The following OS9 variants were observed in gnomAD, a reference collection of about 807,000 sequenced individuals.
The protein encoded by OS9 is protein OS-9.
In OS9, 58 loss-of-function variants were observed where a neutral mutation model predicts 84.7. The observed-to-expected ratio is 0.68, with a 90% CI of 0.55 to 0.85. OS9 has a LOEUF of 0.85. Among genes scored for constraint, OS9 ranks in the 40% least tolerant of loss-of-function variants. OS9 has a pLI of 0.00. For synonymous variants in OS9, 278 were observed against 320.8 expected (o/e 0.87, Z 1.43); for missense variants, 760 against 850.9 (o/e 0.89, Z 1.33).
intron 5 of OS9, among the ~76,000 whole-genome samples, chr12:57,707,743 C>T: frequency 6.6e-6 from 1 of 152,074 alleles, no homozygotes; most frequent in East Asian, 1.9e-4. Context: ...CTTCTCCTTT[C>T]TTTGTGTTAT....
intron 5 of OS9, among the ~76,000 whole-genome samples, chr12:57,709,111 T>C (rs1355644483): frequency 6.6e-6 from 1 of 152,260 alleles, no homozygotes; most frequent in Non-Finnish European, 1.5e-5. Flanking sequence ...CTTTACTCTT[T>C]TCTTTCAGCT....
At chr12:57,711,867 T>G (rs950883179) in intron 5 of OS9, among the ~76,000 whole-genome samples, 1 of 152,108 alleles carries the variant, frequency 6.6e-6, no homozygotes, top group Admixed American at 6.5e-5. Context: ...GGAGAGAGGA[T>G]CACTTGAGCC....
chr12:57,719,828 T>A, intron 12 of OS9: 1 of 334,384 alleles, frequency 3.0e-6, no homozygotes. Flanking sequence ...GTGGCCTGAT[T>A]TTGGCTTTAG....
chr12:57,716,681 T>C lies in OS9; in HGVS notation c.994-12T>C, dbSNP rs903352142. The C allele has an allele frequency of 1.2e-6, 2 of 1,613,772 alleles. No individual in the cohort carries two copies. The highest frequency in any genetic ancestry group is 1.1e-5 in the South Asian group (1 of 91,074). On this transcript the variant is annotated splice_polypyrimidine_tract_variant and intron_variant, in intron 8 of 14. Coordinates refer to ENST00000315970, the MANE Select transcript of OS9 (RefSeq NM_006812.4). The stretch of plus-strand genomic sequence containing the variant: ...GCTTTCATACTTGACTCTCTCCTTT[T>C]CTCCTCGTCAGGAGCAGGACCCAAG...
chr12:57,697,883 A>G (rs1953896353), intron 5 of OS9, among the ~76,000 whole-genome samples: 1 of 144,988 alleles, frequency 6.9e-6, no homozygotes, highest in African/African-American at 2.6e-5. Context: ...ACACACACAC[A>G]CACACACGGA....
chr12:57,720,155 C>A lies in OS9; in HGVS notation c.1657C>A (p.Pro553Thr). The change falls in exon 13 of 15, where the codon CCT becomes ACT. Residue 553 changes from proline to threonine, a missense_variant. By Grantham distance (38) the Pro-to-Thr change is conservative. Transcript: ENST00000315970. ...VRVTKLRLGG[P>T]NQDLTVLEMK... ...GGTCACCAAGCTCCGTCTCGGAGGCCCTAATCAGGATCTGACTGTCCTCGA... is the reference window on the plus strand; with the variant it reads ...GGTCACCAAGCTCCGTCTCGGAGGCACTAATCAGGATCTGACTGTCCTCGA... 6.2e-7 allele frequency: 1 copy of A among 1,614,200 alleles called. No individual in the cohort carries two copies. The highest frequency in any genetic ancestry group is 1.1e-5 in the South Asian group (1 of 91,082).
In OS9 at chr12:57,708,083, C is replaced by T. The variant is rs144151857; in HGVS notation, c.580-7677C>T. On this transcript the variant is annotated intron_variant, in intron 5 of 14. Transcript: ENST00000315970. Reference sequence around the variant, plus strand: ...ACTCCAGCTTGGTGACAGAGCAAGACATCATCTCAAATTTTTTAAATAAAA... The same window carrying T: ...ACTCCAGCTTGGTGACAGAGCAAGATATCATCTCAAATTTTTTAAATAAAA... Among the ~76,000 whole-genome samples the T allele has an allele frequency of 9.6e-3, 1,456 of 152,106 alleles. 22 individuals are homozygous for T. The highest frequency in any genetic ancestry group is 0.032 in the African/African-American group (1,327 of 41,478).
At chr12:57,714,874 G>A (rs1954437420) in intron 5 of OS9, among the ~76,000 whole-genome samples, 1 of 152,156 alleles carries the variant, frequency 6.6e-6, no homozygotes, top group Non-Finnish European at 1.5e-5. Context: ...TGGGATTACA[G>A]GTGTGAACCA....
At chr12:57,706,490 A>G (rs1954171337) in intron 5 of OS9, among the ~76,000 whole-genome samples, 1 of 152,160 alleles carries the variant, frequency 6.6e-6, no homozygotes. Context: ...ACTTCATAAA[A>G]TATCTTGAGG....
At chr12:57,697,342 C>T (rs1232575280) in intron 5 of OS9, among the ~76,000 whole-genome samples, 1 of 152,222 alleles carries the variant, frequency 6.6e-6, no homozygotes, top group African/African-American at 2.4e-5. Context: ...AATGTTTCTG[C>T]CTTGCACAAA....
chr12:57,697,862 AAC>A (rs71084786), intron 5 of OS9, among the ~76,000 whole-genome samples: 45 of 116,356 alleles, frequency 3.9e-4, no homozygotes, highest in South Asian at 1.6e-3. Context: ...AACATAAGCA[AAC>A]ACACACACAC....
intron 1 of OS9, 96 bp from the exon 2 acceptor site, chr12:57,694,654 G>C (rs1360244344): frequency 1.6e-6 from 2 of 1,270,410 alleles, no homozygotes; most frequent in African/African-American, 2.9e-5. Flanking sequence ...GTCTTCGACT[G>C]ATCTCTTCCC....
chr12:57,713,358 C>T (rs1954386340), intron 5 of OS9, among the ~76,000 whole-genome samples: 1 of 152,190 alleles, frequency 6.6e-6, no homozygotes, highest in African/African-American at 2.4e-5. Context: ...TAATGGCTTG[C>T]TTCACTTGGA....
chr12:57,716,267 T>C, intron 7 of OS9, 74 bp downstream of exon 7: 1 of 473,400 alleles, frequency 2.1e-6, no homozygotes, highest in South Asian at 1.7e-5. Context: ...CTGTCCTGAC[T>C]GACTGGTGGG....
chr12:57,703,067 T>G (rs1011021394), intron 5 of OS9, among the ~76,000 whole-genome samples: 3 of 152,190 alleles, frequency 2.0e-5, no homozygotes, highest in Non-Finnish European at 4.4e-5. Context: ...TTTGCTTTGT[T>G]TTTTGGAGAC....
At chr12:57,718,919 C>T (rs780718426) in intron 11 of OS9, 74 bp from the exon 12 acceptor site, 1 of 1,061,542 alleles carries the variant, frequency 9.4e-7, no homozygotes, top group Admixed American at 2.1e-5. Context: ...ATCAGACTCT[C>T]CTACAGAGCC....
At chr12:57,695,757 AT>A in intron 2 of OS9, 22 bp from the exon 3 acceptor site, 1 of 1,549,518 alleles carries the variant, frequency 6.5e-7, no homozygotes, top group South Asian at 1.1e-5. Context: ...CATCCCCCTG[AT>A]TGTTTATTTT....
intron 14 of OS9, 98 bp downstream of exon 14, chr12:57,720,616 A>C (rs1954652269): frequency 3.1e-6 from 4 of 1,273,500 alleles, no homozygotes; most frequent in Non-Finnish European, 3.4e-6. Context: ...CCATTTCCTG[A>C]TCTGTAAGAC....
At chr12:57,715,253 C>T (rs955658509) in intron 5 of OS9, among the ~76,000 whole-genome samples, 1 of 152,040 alleles carries the variant, frequency 6.6e-6, no homozygotes, top group African/African-American at 2.4e-5. Flanking sequence ...ATCCCAGCTC[C>T]TCGGGAGGCT....
Sources: allele counts gnomAD v4.1 joint callset (sites outside exome capture counted in the v4.1 genomes callset), GRCh38; gene constraint gnomAD v4.1.1; transcripts MANE v1.5; gene names NCBI Gene and HGNC (gene_info 2026-07-23, HGNC 2026-07-21).